The following FAM13A variants were observed in gnomAD, a reference collection of about 807,000 sequenced individuals.
The protein encoded by FAM13A is protein FAM13A.
Under a neutral mutation model 129.6 loss-of-function variants are expected in FAM13A, and 76 were observed. The observed-to-expected ratio is 0.59, with a 90% CI of 0.49 to 0.71. The LOEUF is 0.71. Ranked by LOEUF, FAM13A falls within the 30% of genes least tolerant of loss-of-function variation. FAM13A has a pLI of 0.00. For missense variants in FAM13A, 1,108 were observed against 1,249.3 expected (o/e 0.89, Z 1.70); for synonymous variants, 443 against 449.9 (o/e 0.98, Z 0.20).
At chr4:88,992,136 C>T (rs992832406) in intron 3 of FAM13A, among the ~76,000 whole-genome samples, 4 of 152,176 alleles carry the variant, frequency 2.6e-5, no homozygotes, top group Admixed American at 6.5e-5. Flanking sequence ...CCTTGTATTC[C>T]AAGTTGAGCC....
At chr4:89,001,350 T>A (rs963388537) in intron 3 of FAM13A, among the ~76,000 whole-genome samples, 1 of 152,168 alleles carries the variant, frequency 6.6e-6, no homozygotes, top group East Asian at 1.9e-4. Context: ...GGCAAATACG[T>A]AGACATCAAA....
intron 4 of FAM13A, among the ~76,000 whole-genome samples, chr4:88,942,662 A>AC (rs138518657): frequency 0.28 from 42,675 of 151,924 alleles, 7,037 homozygotes; most frequent in Middle Eastern, 0.41. Context: ...TAAAAAGCTA[A>AC]CAATGCAAGA....
At chr4:88,843,824 G>A (rs1418151368) in intron 7 of FAM13A, among the ~76,000 whole-genome samples, 1 of 152,210 alleles carries the variant, frequency 6.6e-6, no homozygotes, top group African/African-American at 2.4e-5. Context: ...TTCTCCCAGA[G>A]AGATGGACAG....
Position 88,748,769 on chromosome 4 carries a change from G to T in FAM13A, c.2161+183C>A, listed in dbSNP as rs185375754. ...CAGAATTCGCCTCTTAGCTGATCGGGTTGCCCTGTGACTGAGACCATGTGA... is the reference window on the plus strand; with the variant it reads ...CAGAATTCGCCTCTTAGCTGATCGGTTTGCCCTGTGACTGAGACCATGTGA... On this transcript the variant is annotated intron_variant, in intron 17 of 23. Coordinates refer to ENST00000264344, the MANE Select transcript of FAM13A (RefSeq NM_014883.4). 2.0e-5 allele frequency among the ~76,000 whole-genome samples: 3 copies of T among 152,310 alleles called. No homozygotes were observed. The East Asian group carries it at 5.8e-4, about 29-fold the overall frequency.
intron 11 of FAM13A, among the ~76,000 whole-genome samples, chr4:88,772,976 T>C (rs1560951916): frequency 6.6e-6 from 1 of 152,176 alleles, no homozygotes; most frequent in Admixed American, 6.5e-5. Context: ...TTTTCATAGA[T>C]GAAAGGTAGG....
At chr4:88,953,594 C>G (rs563118538) in intron 4 of FAM13A, among the ~76,000 whole-genome samples, 1 of 152,172 alleles carries the variant, frequency 6.6e-6, no homozygotes, top group Non-Finnish European at 1.5e-5. Flanking sequence ...ACCTTTTCAT[C>G]TGGCAAAAGT....
rs1273118134 is a variant in FAM13A, at chr4:88,790,571, A to G, written c.1091+15T>C. ...AAAAAACCCAAAGCCCAAAAACCCAACCCAAATAACTTACTCTCCGGTTGC... is the reference window on the plus strand; with the variant it reads ...AAAAAACCCAAAGCCCAAAAACCCAGCCCAAATAACTTACTCTCCGGTTGC... On this transcript the variant is annotated intron_variant, in intron 9 of 23. Coordinates refer to ENST00000264344, the MANE Select transcript of FAM13A (RefSeq NM_014883.4). The G allele has an allele frequency of 6.2e-7, 1 of 1,604,478 alleles. No homozygotes were observed. The highest frequency in any genetic ancestry group is 1.4e-5 in the African/African-American group (1 of 74,022).
chr4:88,829,769 T>C (rs1733581579), intron 7 of FAM13A, among the ~76,000 whole-genome samples: 1 of 152,080 alleles, frequency 6.6e-6, no homozygotes, highest in African/African-American at 2.4e-5. Flanking sequence ...AAGCAGCAAG[T>C]ATTTATTGTG....
At chr4:88,750,380 G>A (rs567993645) in intron 15 of FAM13A, 44 bp downstream of exon 15, 2 of 1,467,660 alleles carry the variant, frequency 1.4e-6, no homozygotes, top group African/African-American at 2.8e-5. Flanking sequence ...TTCTGATGTT[G>A]TGGGGATGAT....
At position 88,727,252 on chromosome 4, in the gene FAM13A, C is replaced by T. The variant is rs1246196540; in HGVS notation, c.*1281G>A. The T allele has an allele frequency of 6.6e-6, 1 of 152,646 alleles. No homozygotes were observed. The highest frequency in any genetic ancestry group is 1.9e-4 in the East Asian group (1 of 5,188). 9.5% of individuals were successfully genotyped at this position (152,646 alleles called of 1,614,324 possible). On this transcript the variant is annotated 3_prime_UTR_variant, in exon 24 of 24. Coordinates refer to ENST00000264344, the MANE Select transcript of FAM13A (RefSeq NM_014883.4). ...AGCACAAAGGTGGACACAGAACCCA[C>T]TGTCCTTGGCGCAGGAGTTAAAAAA...
At chr4:88,863,443 C>T (rs1159776093) in intron 6 of FAM13A, among the ~76,000 whole-genome samples, 1 of 152,118 alleles carries the variant, frequency 6.6e-6, no homozygotes, top group African/African-American at 2.4e-5. Flanking sequence ...GAGTTGTATC[C>T]TTTAAAATAA....
chr4:88,809,225 G>A (rs1729181282), intron 7 of FAM13A, among the ~76,000 whole-genome samples: 1 of 152,054 alleles, frequency 6.6e-6, no homozygotes, highest in African/African-American at 2.4e-5. Flanking sequence ...CCCAGGGCAA[G>A]TACCCAGAAT....
chr4:88,734,019 A>G (rs916930049), intron 21 of FAM13A, among the ~76,000 whole-genome samples: 2 of 152,342 alleles, frequency 1.3e-5, no homozygotes, highest in South Asian at 2.1e-4. Context: ...AAAATAGCAA[A>G]TAGATTTTCA....
chr4:88,893,483 C>T (rs1275940731), intron 6 of FAM13A, among the ~76,000 whole-genome samples: 1 of 152,004 alleles, frequency 6.6e-6, no homozygotes, highest in East Asian at 1.9e-4. Context: ...ATTAGCTGGG[C>T]GTGGTGGCGG....
At chr4:89,040,306 G>A (rs1769944200) in intron 1 of FAM13A, among the ~76,000 whole-genome samples, 1 of 152,068 alleles carries the variant, frequency 6.6e-6, no homozygotes, top group Non-Finnish European at 1.5e-5. Context: ...AATCTAAGTG[G>A]GCAGTATACA....
In FAM13A at chr4:88,793,830, T is replaced by G. The variant is rs143105034; in HGVS notation, c.1050-3203A>C. Among the ~76,000 whole-genome samples, 378 of 152,172 alleles carry G rather than the reference T, an allele frequency of 2.5e-3. 5 individuals are homozygous for G. Among genetic ancestry groups the G allele is most frequent in the African/African-American group, 8.5e-3 (352 of 41,570 alleles). ...AGTATCAGATACATTTATGGTTTAT[T>G]AGATTCCAAAATAACTTTGGTATTT... On this transcript the variant is annotated intron_variant, in intron 8 of 23. Coordinates refer to ENST00000264344, the MANE Select transcript of FAM13A (RefSeq NM_014883.4).
rs181846653 is a variant in FAM13A, at chr4:88,830,782, G to A, written c.1007+20238C>T. ...GGGGAGGGAAGAGCTGCTAAGAGAG[G>A]TGGGGTTTAAAGGCCTCCACAGCTG... is the stretch of plus-strand genomic sequence containing the variant. On this transcript the variant is annotated intron_variant, in intron 7 of 23. Coordinates refer to ENST00000264344, the MANE Select transcript of FAM13A (RefSeq NM_014883.4). Among the ~76,000 whole-genome samples the A allele has an allele frequency of 9.9e-4, 151 of 152,280 alleles. 1 individual carries two copies. The Middle Eastern group carries it at 0.02, about 21-fold the overall frequency.
intron 4 of FAM13A, among the ~76,000 whole-genome samples, chr4:88,963,287 T>C (rs368382550): frequency 3.9e-5 from 6 of 152,008 alleles, no homozygotes; most frequent in African/African-American, 1.5e-4. Flanking sequence ...TACTAAGAGT[T>C]TCATTTAAAA....
chr4:88,827,348 G>C (rs1733177865), intron 7 of FAM13A, among the ~76,000 whole-genome samples: 1 of 152,066 alleles, frequency 6.6e-6, no homozygotes, highest in Non-Finnish European at 1.5e-5. Flanking sequence ...CAATAAATTG[G>C]GCGCTGCAAT....
Sources: gnomAD v4.1 joint callset for allele counts (sites outside exome capture counted in the v4.1 genomes callset) on GRCh38, gnomAD v4.1.1 for gene constraint, MANE v1.5 for transcripts, NCBI Gene and HGNC (gene_info 2026-07-23, HGNC 2026-07-21) for gene names.